The following ZNRF1 variants were observed in gnomAD, a reference collection of about 807,000 sequenced individuals.
ZNRF1 encodes E3 ubiquitin-protein ligase ZNRF1.
A neutral mutation model predicts 18.4 loss-of-function variants in ZNRF1; 3 were observed. That is an observed-to-expected ratio of 0.16 (90% confidence interval 0.07 to 0.42). ZNRF1 has a LOEUF of 0.42. Ranked by LOEUF, ZNRF1 falls within the 10% of genes least tolerant of loss-of-function variation. The pLI, the probability that ZNRF1 is intolerant of heterozygous loss-of-function variation, is 0.99. For missense variants in ZNRF1, 310 were observed against 329.8 expected (o/e 0.94, Z 0.47); for synonymous variants, 157 against 144.2 (o/e 1.09, Z -0.64).
Position 75,093,685 on chromosome 16 carries a change from C to T in ZNRF1, c.520+18C>T. 7 of 1,601,436 alleles carry T rather than the reference C, an allele frequency of 4.4e-6. No homozygotes were observed. The highest frequency in any genetic ancestry group is 6.0e-6 in the Non-Finnish European group (7 of 1,168,666). Reference sequence around the variant, plus strand: ...CTACAACGGTAAGGGCTTGGCCTGCCTCACCAGCCTCCAGAGCATCCGTCG... The same window carrying T: ...CTACAACGGTAAGGGCTTGGCCTGCTTCACCAGCCTCCAGAGCATCCGTCG... On this transcript the variant is annotated intron_variant, in intron 2 of 4. Coordinates refer to ENST00000335325, the MANE Select transcript of ZNRF1 (RefSeq NM_032268.5).
chr16:75,084,487 G>C (rs922986723), intron 1 of ZNRF1: 1 of 152,174 alleles, frequency 6.6e-6, no homozygotes, highest in African/African-American at 2.4e-5. Context: ...TTAAGGAAAA[G>C]AGTCACACTG....
At chr16:75,022,470 G>A (rs1167106486) in intron 1 of ZNRF1, among the ~76,000 whole-genome samples, 1 of 151,484 alleles carries the variant, frequency 6.6e-6, no homozygotes, top group Non-Finnish European at 1.5e-5. Flanking sequence ...GGAGGCTGAG[G>A]CAGGAGAATG....
At chr16:75,006,224 A>C (rs1052975792) in intron 1 of ZNRF1, among the ~76,000 whole-genome samples, 3 of 152,184 alleles carry the variant, frequency 2.0e-5, no homozygotes, top group African/African-American at 7.2e-5. Flanking sequence ...GTACTGCTGT[A>C]TACCCAATTA....
intron 1 of ZNRF1, among the ~76,000 whole-genome samples, chr16:75,083,763 A>G (rs2036042207): frequency 6.6e-6 from 1 of 152,194 alleles, no homozygotes; most frequent in South Asian, 2.1e-4. Flanking sequence ...AGGCAGAGTT[A>G]GAAAGGCTGC....
At chr16:75,038,421 A>G (rs2035400902) in intron 1 of ZNRF1, among the ~76,000 whole-genome samples, 1 of 152,206 alleles carries the variant, frequency 6.6e-6, no homozygotes, top group South Asian at 2.1e-4. Context: ...TGAGCATACC[A>G]GGCAGCAAAG....
chr16:75,066,592 T>C (rs565443810), intron 1 of ZNRF1, among the ~76,000 whole-genome samples: 40 of 152,244 alleles, frequency 2.6e-4, no homozygotes, highest in Non-Finnish European at 4.9e-4. Context: ...AACCTCCACT[T>C]TCCGGGTTCA....
At chr16:75,050,935 G>A (rs1381529790) in intron 1 of ZNRF1, among the ~76,000 whole-genome samples, 1 of 141,812 alleles carries the variant, frequency 7.1e-6, no homozygotes, top group South Asian at 2.4e-4. Context: ...GCTCACACCT[G>A]TAATCCTAGC....
intron 1 of ZNRF1, among the ~76,000 whole-genome samples, chr16:75,089,685 C>CT (rs1448362263): frequency 6.6e-6 from 1 of 152,166 alleles, no homozygotes; most frequent in Non-Finnish European, 1.5e-5. Context: ...ACTCAGAGGC[C>CT]TTCACCAGGG....
In ZNRF1 at chr16:74,999,991, G is replaced by A. The variant is rs2034819191; in HGVS notation, c.320G>A (p.Gly107Asp). The A allele has an allele frequency of 6.3e-7, 1 of 1,586,180 alleles. No homozygotes were observed. The highest frequency in any genetic ancestry group is 1.3e-5 in the African/African-American group (1 of 74,726). Residue 107 changes from glycine to aspartate, a missense_variant, in exon 1 of 5, where the codon GGC (glycine) becomes GAC (aspartate). Gly to Asp is a moderately conservative substitution (Grantham distance 94). Coordinates refer to ENST00000335325, the MANE Select transcript of ZNRF1 (RefSeq NM_032268.5). The stretch of plus-strand genomic sequence containing the variant: ...CATGGCAATGGTTACCAGGAGACGG[G>A]CGGCGGTCACCATAGAGACGGGATG... ...YAHGNGYQET[G>D]GGHHRDGMLY... is the part of the protein sequence containing the mutation.
At chr16:75,107,636 C>T (rs1347899174) in intron 4 of ZNRF1, 97 bp from the exon 5 acceptor site, 8 of 451,402 alleles carry the variant, frequency 1.8e-5, no homozygotes, top group Non-Finnish European at 3.1e-5. Flanking sequence ...GTGTAGACGC[C>T]CCAGCCCCGC....
chr16:75,002,263 T>C (rs768452795), intron 1 of ZNRF1: 4 of 152,236 alleles, frequency 2.6e-5, no homozygotes, highest in Non-Finnish European at 5.9e-5. Context: ...GTGTGCAGCA[T>C]TGGTTCCATC....
chr16:75,091,532 C>CT (rs577306133), intron 1 of ZNRF1, among the ~76,000 whole-genome samples: 58,353 of 129,134 alleles, frequency 0.45, 15,577 homozygotes, highest in Middle Eastern at 0.61. Flanking sequence ...CTGCATATAA[C>CT]TTTTTTTTTT....
At chr16:75,079,214 G>A (rs188647037) in intron 1 of ZNRF1, among the ~76,000 whole-genome samples, 1 of 152,318 alleles carries the variant, frequency 6.6e-6, no homozygotes, top group East Asian at 1.9e-4. Flanking sequence ...GGGCGCGGTG[G>A]CTCATGCCTG....
chr16:75,107,586 G>A, intron 4 of ZNRF1, 147 bp from the exon 5 acceptor site: 1 of 397,744 alleles, frequency 2.5e-6, no homozygotes, highest in Non-Finnish European at 5.1e-6. Flanking sequence ...CAGGCACATG[G>A]CTGCAAATTC....
chr16:75,088,984 T>C (rs2036105773), intron 1 of ZNRF1, among the ~76,000 whole-genome samples: 2 of 152,196 alleles, frequency 1.3e-5, no homozygotes, highest in South Asian at 4.1e-4. Flanking sequence ...TGGGAGCTGC[T>C]GGCCACCCCC....
intron 1 of ZNRF1, among the ~76,000 whole-genome samples, chr16:75,090,902 A>T (rs1321478319): frequency 6.6e-6 from 1 of 152,210 alleles, no homozygotes; most frequent in African/African-American, 2.4e-5. Context: ...ACCCAATTAA[A>T]TAAAAATTTA....
chr16:75,026,124 C>T (rs2035220340), intron 1 of ZNRF1, among the ~76,000 whole-genome samples: 1 of 152,190 alleles, frequency 6.6e-6, no homozygotes, highest in Non-Finnish European at 1.5e-5. Context: ...ATTTTCCTCC[C>T]TCTTCTAGTG....
chr16:75,104,351 T>C lies in ZNRF1; in HGVS notation c.521-433T>C, dbSNP rs568128203. On this transcript the variant is annotated intron_variant, in intron 2 of 4. Transcript: ENST00000335325. The stretch of plus-strand genomic sequence containing the variant: ...GTGCACAAGGATTTTCTTGGGGACC[T>C]GTTTCTTCCTCTCATTCTTGCCTCC... 4.4e-5 allele frequency: 7 copies of C among 157,892 alleles called. No homozygotes were observed. In the South Asian group the frequency reaches 1.3e-3, roughly 29 times the overall value. The allele number at this position is 157,892 out of a possible 1,614,324, so 9.8% of individuals were successfully genotyped here.
intron 1 of ZNRF1, among the ~76,000 whole-genome samples, chr16:75,014,377 T>C (rs775980134): frequency 1.6e-4 from 25 of 152,204 alleles, no homozygotes; most frequent in Non-Finnish European, 3.4e-4. Context: ...AAACTTCATG[T>C]AAACTGTATA....
Sources: allele counts gnomAD v4.1 joint callset (sites outside exome capture counted in the v4.1 genomes callset), GRCh38; gene constraint gnomAD v4.1.1; transcripts MANE v1.5; gene names NCBI Gene and HGNC (gene_info 2026-07-23, HGNC 2026-07-21).